The following SCRIB variants were observed in gnomAD, a reference collection of about 807,000 sequenced individuals.
The protein encoded by SCRIB is protein scribble homolog.
A neutral mutation model predicts 170.0 loss-of-function variants in SCRIB; 72 were observed. The observed-to-expected ratio is 0.42, with a 90% CI of 0.35 to 0.52. SCRIB has a LOEUF of 0.52. Among genes scored for constraint, SCRIB ranks in the 20% least tolerant of loss-of-function variants. SCRIB has a pLI of 0.02. For synonymous variants in SCRIB, 1,298 were observed against 1,044.3 expected (o/e 1.24, Z -4.68); for missense variants, 2,475 against 2,338.5 (o/e 1.06, Z -1.20).
At chr8:143,796,807 G>T (rs1273283050) in intron 24 of SCRIB, among the ~76,000 whole-genome samples, 1 of 152,150 alleles carries the variant, frequency 6.6e-6, no homozygotes, top group African/African-American at 2.4e-5. Flanking sequence ...AGAGGCAGGG[G>T]TCCTGGCAGA....
chr8:143,806,824 C>T (rs949454972), intron 17 of SCRIB, 100 bp downstream of exon 17: 156 of 873,120 alleles, frequency 1.8e-4, no homozygotes, highest in African/African-American at 1.7e-3. Flanking sequence ...GTCCCCAGAG[C>T]GTGTGAGTGT....
At position 143,795,324 on chromosome 8, in the gene SCRIB, G is replaced by C. The variant is rs782508198; in HGVS notation, c.3724C>G (p.Leu1242Val). Residue 1242 changes from leucine (L) to valine (V), a missense_variant, in exon 26 of 37, where the codon CTG becomes GTG. Physicochemically the swap from Leu to Val is conservative, Grantham distance 32. Coordinates refer to ENST00000356994, the MANE Select transcript of SCRIB (RefSeq NM_182706.5). ...SPEGPGKEKE[L>V]PGQTLHWGPE... ...CCCCAGTGCAGGGTCTGTCCAGGCAGCTCCTTCTCCTGTGAGCAGAGCAGA... is the reference window on the plus strand; with the variant it reads ...CCCCAGTGCAGGGTCTGTCCAGGCACCTCCTTCTCCTGTGAGCAGAGCAGA... 5.5e-5 allele frequency: 88 copies of C among 1,612,716 alleles called. No individual in the cohort carries two copies. The East Asian group carries it at 1.9e-3, about 35-fold the overall frequency.
Position 143,792,769 on chromosome 8 carries a change from G to A in SCRIB, c.4116C>T (p.Gly1372=), listed in dbSNP as rs1554633229. ...ELEVRVPQAE[G]PPKRVSLVGA... ...CCACCAGGGACACGCGCTTAGGGGG[G>A]CCCTCGGCCTGGGGCACGCGCACCT... is the stretch of plus-strand genomic sequence containing the variant. Residue 1372 remains glycine, a synonymous_variant, in exon 30 of 37, where the codon GGC becomes GGT. Coordinates refer to ENST00000356994, the MANE Select transcript of SCRIB (RefSeq NM_182706.5). The A allele has an allele frequency of 1.6e-5, 25 of 1,586,296 alleles. No homozygotes were observed. The highest frequency in any genetic ancestry group is 2.1e-5 in the Non-Finnish European group (25 of 1,169,230).
intron 27 of SCRIB, among the ~76,000 whole-genome samples, chr8:143,794,731 C>G (rs868945523): frequency 6.6e-6 from 1 of 152,258 alleles, no homozygotes; most frequent in Middle Eastern, 3.4e-3. Context: ...CTCGCACCCT[C>G]TGGGGCTGGG....
chr8:143,804,282 A>C lies in SCRIB; in HGVS notation c.3010-126T>G. ...GGGGGCTGCCCTAATGCCCACGGGGATTTCTGCGCCACCAGTGTTCTGCTG... is the reference window on the plus strand; with the variant it reads ...GGGGGCTGCCCTAATGCCCACGGGGCTTTCTGCGCCACCAGTGTTCTGCTG... On this transcript the variant is annotated intron_variant, in intron 21 of 36. Coordinates refer to ENST00000356994, the MANE Select transcript of SCRIB (RefSeq NM_182706.5). The C allele has an allele frequency of 4.1e-6, 3 of 739,042 alleles. No homozygotes were observed. In the South Asian group the frequency reaches 5.6e-5, roughly 14 times the overall value. The allele number at this position is 739,042 out of a possible 1,614,324, so 45.8% of individuals were successfully genotyped here.
intron 24 of SCRIB, among the ~76,000 whole-genome samples, chr8:143,802,382 A>G (rs1815211226): frequency 6.6e-6 from 1 of 152,208 alleles, no homozygotes; most frequent in African/African-American, 2.4e-5. Context: ...GACAGAACCA[A>G]TGTGAGGGGC....
At chr8:143,802,220 G>A (rs190687712) in intron 24 of SCRIB, among the ~76,000 whole-genome samples, 10 of 152,298 alleles carry the variant, frequency 6.6e-5, no homozygotes, top group Admixed American at 3.3e-4. Context: ...GGGCTGGCCC[G>A]GGGCCAACCC....
Position 143,806,364 on chromosome 8 carries a change from G to A in SCRIB, c.2346+43C>T, listed in dbSNP as rs782676699. 6 of 1,487,344 alleles carry A rather than the reference G, an allele frequency of 4.0e-6. No homozygotes were observed. The South Asian group carries it at 4.8e-5, about 12-fold the overall frequency. 92.1% of individuals were successfully genotyped at this position (1,487,344 alleles called of 1,614,324 possible). A position where few individuals can be genotyped will look rare whatever the true frequency, so the allele number is the denominator to read the frequency against. ...TAATACCAGGGACCATGTACCTCCAGAGGGCACAGCTGCCACTCGGGGCGG... is the reference window on the plus strand; with the variant it reads ...TAATACCAGGGACCATGTACCTCCAAAGGGCACAGCTGCCACTCGGGGCGG... On this transcript the variant is annotated intron_variant, in intron 18 of 36. Transcript: ENST00000356994.
Position 143,809,710 on chromosome 8 carries a change from C to A in SCRIB, c.1539G>T (p.Arg513=). ...GSPLPAEEEK[R]LSAESGLSED... Reference sequence around the variant, plus strand: ...CACTCAGGCCAGACTCGGCACTCAGCCGCTTCTCCTGCGGCGGGAAGTGGG... The same window carrying A: ...CACTCAGGCCAGACTCGGCACTCAGACGCTTCTCCTGCGGCGGGAAGTGGG... The change falls in exon 14 of 37, where the codon CGG becomes CGT. Residue 513 remains arginine, a synonymous_variant. Coordinates refer to ENST00000356994, the MANE Select transcript of SCRIB (RefSeq NM_182706.5). 4 of 1,608,372 alleles carry A rather than the reference C, an allele frequency of 2.5e-6. No homozygotes were observed. The highest frequency in any genetic ancestry group is 3.4e-6 in the Non-Finnish European group (4 of 1,179,106).
At chr8:143,812,761 C>T (rs1586530387) in intron 8 of SCRIB, 56 bp downstream of exon 8, 3 of 1,575,932 alleles carry the variant, frequency 1.9e-6, no homozygotes, top group East Asian at 2.2e-5. Context: ...ACGCCCCACG[C>T]TCCTCCCAGG....
Position 143,795,288 on chromosome 8 carries a change from T to C in SCRIB, c.3760A>G (p.Thr1254Ala). Residue 1254 changes from threonine to alanine, a missense_variant, in exon 26 of 37, where the codon ACA becomes GCA. This residue lies in a region of SCRIB where 1,966 missense variants were observed against 1,742.9 expected (regional missense o/e 1.13). Coordinates refer to ENST00000356994, the MANE Select transcript of SCRIB (RefSeq NM_182706.5). ...GQTLHWGPEA[T>A]EAAGRGLQPL... ...GCGACCACACTCACTGCGGCTTCTG[T>C]GGCCTCGGGCCCCCAGTGCAGGGTC... is the stretch of plus-strand genomic sequence containing the variant. 1 of 1,612,628 alleles carries C rather than the reference T, an allele frequency of 6.2e-7. No homozygotes were observed.
rs745758866 is a variant in SCRIB, at chr8:143,813,865, G to A, written c.309C>T (p.Phe103=). The change falls in exon 3 of 37, where the codon TTC becomes TTT. Residue 103 remains phenylalanine (F), a synonymous_variant. Coordinates refer to ENST00000356994, the MANE Select transcript of SCRIB (RefSeq NM_182706.5). ...DIPEIPESIK[F]CKALEIADFS... is the part of the protein sequence containing the mutation. ...AGTCCGCGATCTCCAGAGCCTTGCA[G>A]AACTTGATGCTCTCCGGGATCTCAG... 1.2e-5 allele frequency: 20 copies of A among 1,609,602 alleles called. No homozygotes were observed. Among genetic ancestry groups the A allele is most frequent in the Non-Finnish European group, 1.4e-5 (17 of 1,177,130 alleles).
rs1462750983 is a variant in SCRIB at position 143,809,170 on chromosome 8, CGT to C, written c.1699-147_1699-146del. On this transcript the variant is annotated intron_variant, in intron 14 of 36. Transcript: ENST00000356994. ...AGCACTAACTGCCCAGTGAGGGGCG[CGT>C]GTCTCAGCCCTGAGAAAAGCTGAAG... The C allele has an allele frequency of 3.0e-5, 34 of 1,124,980 alleles. No homozygotes were observed. In the Admixed American group the frequency reaches 5.2e-4, roughly 17 times the overall value. The allele number at this position is 1,124,980 out of a possible 1,614,324, so 69.7% of individuals were successfully genotyped here.
rs1554635369 is a variant in SCRIB at position 143,803,385 on chromosome 8, C to G, written c.3601G>C (p.Glu1201Gln). The change falls in exon 24 of 37, where the codon GAG (glutamate) becomes CAG (glutamine). Residue 1201 changes from glutamate to glutamine, a missense_variant and splice_region_variant. Physicochemically the swap from Glu to Gln is conservative, Grantham distance 29. Around this residue, in one of 3 missense-constraint regions of SCRIB, gnomAD observed 1,966 missense variants for 1,742.9 expected, o/e 1.13. Transcript: ENST00000356994. ...GFEASTDAAL[E>Q]VSPGVIANPF... is the part of the protein sequence containing the mutation. ...GTCCCCGGGGCGGGATCGCTAACCT[C>G]CAGGGCTGCGTCGGTGCTGGCCTCA... The G allele has an allele frequency of 6.4e-7, 1 of 1,571,990 alleles. No individual in the cohort carries two copies. Among genetic ancestry groups the G allele is most frequent in the African/African-American group, 1.3e-5 (1 of 74,296 alleles).
chr8:143,807,295 G>A (rs1554636862), intron 16 of SCRIB, among the ~76,000 whole-genome samples: 1 of 152,224 alleles, frequency 6.6e-6, no homozygotes, highest in Non-Finnish European at 1.5e-5. Context: ...AGTGAGGACT[G>A]CGCTGCCTCC....
At chr8:143,814,808 C>G in intron 1 of SCRIB, 1 of 202,866 alleles carries the variant, frequency 4.9e-6, no homozygotes, top group Non-Finnish European at 9.9e-6. Context: ...GCAAAGAGTA[C>G]ATCAAGAGGG....
In SCRIB at chr8:143,808,966, C is replaced by T; in HGVS notation, c.1758G>A (p.Glu586=). 2 of 1,613,208 alleles carry T rather than the reference C, an allele frequency of 1.2e-6. No homozygotes were observed. The highest frequency in any genetic ancestry group is 1.7e-5 in the Admixed American group (1 of 60,024). The change falls in exon 15 of 37, where the codon GAG becomes GAA. Residue 586 remains glutamate (E), a synonymous_variant. Coordinates refer to ENST00000356994, the MANE Select transcript of SCRIB (RefSeq NM_182706.5). The part of the protein sequence containing the change: ...LLPGDDREIE[E]GQPEAPWTLP... Reference sequence around the variant, plus strand: ...GGGTCCAGGGGGCCTCAGGCTGCCCCTCCTCGATCTCCCTGTCATCCCCGG... The same window carrying T: ...GGGTCCAGGGGGCCTCAGGCTGCCCTTCCTCGATCTCCCTGTCATCCCCGG...
chr8:143,793,523 T>C, intron 28 of SCRIB: 1 of 298,680 alleles, frequency 3.3e-6, no homozygotes, highest in Non-Finnish European at 6.2e-6. Context: ...GGCTGCCACC[T>C]CCACCCCCAC....
chr8:143,813,456 C>T lies in SCRIB; in HGVS notation c.503+14G>A, dbSNP rs1815851683. 3.7e-6 allele frequency: 6 copies of T among 1,613,116 alleles called. No individual in the cohort carries two copies. Among genetic ancestry groups the T allele is most frequent in the Non-Finnish European group, 5.1e-6 (6 of 1,179,988 alleles). ...CCCTGCCCTGGCTGTTAGGAGAATGCCTGTCACACTCACGCTGGCAGGGAC... is the reference window on the plus strand; with the variant it reads ...CCCTGCCCTGGCTGTTAGGAGAATGTCTGTCACACTCACGCTGGCAGGGAC... On this transcript the variant is annotated intron_variant, in intron 5 of 36. Transcript: ENST00000356994.
Sources: allele counts gnomAD v4.1 joint callset (sites outside exome capture counted in the v4.1 genomes callset), GRCh38; gene constraint gnomAD v4.1.1; regional missense constraint gnomAD v4.1.1; transcripts MANE v1.5; gene names NCBI Gene and HGNC (gene_info 2026-07-23, HGNC 2026-07-21).